Variants in VRK2 observed in about 807,000 individuals in gnomAD.
The protein encoded by VRK2 is VRK serine/threonine kinase 2.
VRK2 carries 60 observed loss-of-function variants against 57.6 expected under a neutral mutation model. The ratio of observed to expected loss-of-function variants is 1.04; its 90% CI spans 0.85 to 1.29. The LOEUF (loss-of-function observed/expected upper bound fraction) is 1.29. Among genes scored for constraint, VRK2 ranks in the 50% most tolerant of loss-of-function variants. The probability of loss-of-function intolerance (pLI) is 0.00; values close to 1 mark genes in which losing one functional copy is unlikely to be tolerated. For synonymous variants in VRK2, 231 were observed against 199.2 expected (o/e 1.16, Z -1.35); for missense variants, 705 against 588.1 (o/e 1.20, Z -2.06).
In VRK2 at chr2:58,047,366, G is replaced by T. The variant is rs899144348; in HGVS notation, c.-6+498G>T. The T allele has an allele frequency of 4.2e-6, 4 of 951,008 alleles. No homozygotes were observed. The African/African-American group carries it at 7.1e-5, about 17-fold the overall frequency. The allele number at this position is 951,008 out of a possible 1,614,324, so 58.9% of individuals were successfully genotyped here. A position where few individuals can be genotyped will look rare whatever the true frequency, so the allele number is the denominator to read the frequency against. On this transcript the variant is annotated intron_variant, in intron 1 of 12. Coordinates refer to ENST00000340157, the MANE Select transcript of VRK2 (RefSeq NM_006296.7). Reference sequence around the variant, plus strand: ...AAACTCGTGTTGAGGACTCATCTTAGCCCTGGGAAGGTACCCAGAAGCCGA... The same window carrying T: ...AAACTCGTGTTGAGGACTCATCTTATCCCTGGGAAGGTACCCAGAAGCCGA...
chr2:58,081,051 A>G (rs554940161), intron 2 of VRK2, among the ~76,000 whole-genome samples: 3 of 152,108 alleles, frequency 2.0e-5, no homozygotes, highest in Non-Finnish European at 4.4e-5. Context: ...AACTCAGAAT[A>G]CTCAATTGTT....
At chr2:58,075,322 A>T (rs1011495236) in intron 2 of VRK2, among the ~76,000 whole-genome samples, 3 of 151,960 alleles carry the variant, frequency 2.0e-5, no homozygotes, top group Non-Finnish European at 4.4e-5. Flanking sequence ...GATCTTTGCT[A>T]TTGTGAATGG....
At chr2:58,087,985 C>CA (rs534570077) in intron 5 of VRK2, among the ~76,000 whole-genome samples, 106 of 145,730 alleles carry the variant, frequency 7.3e-4, no homozygotes, top group Non-Finnish European at 1.2e-3. Context: ...GACTCTGTCT[C>CA]AAAAAAAAAA....
At chr2:58,009,250 A>G (rs1452514628) in intron 1 of VRK2, among the ~76,000 whole-genome samples, 1 of 152,068 alleles carries the variant, frequency 6.6e-6, no homozygotes, top group Non-Finnish European at 1.5e-5. Flanking sequence ...TAATCTGTGA[A>G]TTTATTTAAC....
At chr2:58,157,239 T>A (rs977413826) in intron 12 of VRK2, among the ~76,000 whole-genome samples, 1 of 151,988 alleles carries the variant, frequency 6.6e-6, no homozygotes, top group Admixed American at 6.6e-5. Context: ...ATGGCCAGAG[T>A]GGAAGTAGTG....
intron 1 of VRK2, among the ~76,000 whole-genome samples, chr2:57,958,607 T>A (rs1376563582): frequency 6.6e-6 from 1 of 151,378 alleles, no homozygotes; most frequent in Non-Finnish European, 1.5e-5. Flanking sequence ...CTCATTTTGA[T>A]GTTTATTTGA....
chr2:58,136,092 A>G (rs944052671), intron 10 of VRK2, among the ~76,000 whole-genome samples: 7 of 152,208 alleles, frequency 4.6e-5, no homozygotes, highest in Non-Finnish European at 1.0e-4. Context: ...GAGTTAAGTC[A>G]TCTTAAACTT....
At chr2:58,112,111 T>C (rs1053678844) in intron 7 of VRK2, among the ~76,000 whole-genome samples, 6 of 152,230 alleles carry the variant, frequency 3.9e-5, no homozygotes, top group Non-Finnish European at 8.8e-5. Context: ...TAATTCTATA[T>C]TGTATTTTTG....
intron 2 of VRK2, chr2:58,033,207 CCTTT>C (rs1674169124): frequency 6.6e-6 from 1 of 152,044 alleles, no homozygotes; most frequent in Non-Finnish European, 1.5e-5. Flanking sequence ...GGTTGACACT[CCTTT>C]CTTTCTCTCA....
intron 1 of VRK2, chr2:57,907,889 G>T (rs1164611343): frequency 6.6e-6 from 1 of 152,204 alleles, no homozygotes; most frequent in East Asian, 1.9e-4. Context: ...TTCTTTTTCT[G>T]TGCTATGCCT....
chr2:57,931,017 A>G (rs2678879), intron 1 of VRK2, among the ~76,000 whole-genome samples: 102,680 of 151,860 alleles, frequency 0.68, 35,661 homozygotes, highest in African/African-American at 0.86. Flanking sequence ...ATGCATTCAT[A>G]TATTATATAT....
At chr2:57,953,080 C>A (rs1459087745) in intron 1 of VRK2, among the ~76,000 whole-genome samples, 1 of 152,112 alleles carries the variant, frequency 6.6e-6, no homozygotes, top group Non-Finnish European at 1.5e-5. Context: ...ACCTTAAAGA[C>A]AAAAGGTGAG....
upstream of VRK2, among the ~76,000 whole-genome samples, chr2:58,044,779 T>C (rs1026850557): frequency 6.6e-6 from 1 of 152,120 alleles, no homozygotes; most frequent in African/African-American, 2.4e-5. Flanking sequence ...GCCACTGTGG[T>C]TGAAGAGAGT....
At chr2:58,147,300 A>G (rs1250629120) in intron 12 of VRK2, 1 of 424,432 alleles carries the variant, frequency 2.4e-6, no homozygotes, top group South Asian at 1.9e-5. Flanking sequence ...ATCCAGAGAC[A>G]GAAATGCTTT....
chr2:57,998,821 C>G (rs1171163338), intron 1 of VRK2, among the ~76,000 whole-genome samples: 12 of 152,106 alleles, frequency 7.9e-5, no homozygotes, highest in Admixed American at 7.9e-4. Context: ...ACAAGTAAGT[C>G]TATGAAAAAG....
At chr2:58,053,831 A>C (rs114456390) in intron 2 of VRK2, among the ~76,000 whole-genome samples, 2 of 152,152 alleles carry the variant, frequency 1.3e-5, no homozygotes, top group African/African-American at 4.8e-5. Context: ...TTATTAGGCA[A>C]TTTTGCAAAT....
intron 1 of VRK2, among the ~76,000 whole-genome samples, chr2:57,930,468 G>A (rs1045830336): frequency 4.6e-5 from 7 of 152,122 alleles, no homozygotes; most frequent in African/African-American, 9.7e-5. Flanking sequence ...AGCAATTCAA[G>A]ACTGTCTTTT....
intron 11 of VRK2, among the ~76,000 whole-genome samples, chr2:58,145,638 A>C (rs1283169047): frequency 6.6e-6 from 1 of 151,926 alleles, no homozygotes; most frequent in Admixed American, 6.6e-5. Context: ...TTTATTTTTT[A>C]TTATACTTTA....
chr2:58,137,264 T>TATATG (rs1680684476), intron 10 of VRK2, among the ~76,000 whole-genome samples: 1 of 33,338 alleles, frequency 3.0e-5, no homozygotes, highest in Non-Finnish European at 9.9e-5. Flanking sequence ...ATATATGATA[T>TATATG]ATATGTGTTT....
Sources: gnomAD v4.1 joint callset for allele counts (sites outside exome capture counted in the v4.1 genomes callset) on GRCh38, gnomAD v4.1.1 for gene constraint, MANE v1.5 for transcripts, NCBI Gene and HGNC (gene_info 2026-07-23, HGNC 2026-07-21) for gene names.